EPHA3: variants seen among roughly 807,000 people sequenced by gnomAD.
EPHA3 encodes EPH receptor A3, also known as ephrin type-A receptor 3.
A neutral mutation model predicts 107.1 loss-of-function variants in EPHA3; 42 were observed. The ratio of observed to expected loss-of-function variants is 0.39; its 90% CI spans 0.31 to 0.51. The LOEUF (loss-of-function observed/expected upper bound fraction) is 0.51. EPHA3 is among the 20% of genes least tolerant of loss of function. The probability of loss-of-function intolerance (pLI) is 0.78; values close to 1 mark genes in which losing one functional copy is unlikely to be tolerated. For missense variants in EPHA3, 1,183 were observed against 1,211.2 expected (o/e 0.98, Z 0.35); for synonymous variants, 461 against 424.8 (o/e 1.09, Z -1.05).
chr3:89,376,755 C>G (rs1329172859), intron 5 of EPHA3, among the ~76,000 whole-genome samples: 1 of 152,046 alleles, frequency 6.6e-6, no homozygotes, highest in African/African-American at 2.4e-5. Flanking sequence ...AGCAGCCACT[C>G]TTGGGATAGT....
At chr3:89,373,928 T>C (rs534180017) in intron 5 of EPHA3, among the ~76,000 whole-genome samples, 1 of 151,966 alleles carries the variant, frequency 6.6e-6, no homozygotes, top group African/African-American at 2.4e-5. Context: ...AAGGGTCAAA[T>C]AGAGTCCATT....
intron 2 of EPHA3, among the ~76,000 whole-genome samples, chr3:89,128,199 AC>A: frequency 6.6e-6 from 1 of 152,254 alleles, no homozygotes; most frequent in Non-Finnish European, 1.5e-5. Flanking sequence ...CTAAATATAC[AC>A]AATTTTTTGA....
At chr3:89,230,139 C>T (rs1251884556) in intron 3 of EPHA3, among the ~76,000 whole-genome samples, 1 of 151,978 alleles carries the variant, frequency 6.6e-6, no homozygotes, top group African/African-American at 2.4e-5. Context: ...AGACCCAGAG[C>T]AATTAAGTAA....
chr3:89,154,251 G>GT (rs1704747899), intron 2 of EPHA3, among the ~76,000 whole-genome samples: 1 of 147,818 alleles, frequency 6.8e-6, no homozygotes, highest in South Asian at 2.1e-4. Flanking sequence ...GGGCTTCCTT[G>GT]TTTTTTGGGT....
At chr3:89,282,061 G>A (rs1576287220) in intron 3 of EPHA3, among the ~76,000 whole-genome samples, 2 of 152,206 alleles carry the variant, frequency 1.3e-5, no homozygotes, top group East Asian at 1.9e-4. Flanking sequence ...AAGTTTATTC[G>A]TGCAGTTTCA....
At chr3:89,391,679 C>A (rs1300599581) in intron 5 of EPHA3, among the ~76,000 whole-genome samples, 1 of 151,548 alleles carries the variant, frequency 6.6e-6, no homozygotes, top group Non-Finnish European at 1.5e-5. Flanking sequence ...ATGATCCGCC[C>A]GCCTCGGCCT....
intron 2 of EPHA3, among the ~76,000 whole-genome samples, chr3:89,205,967 G>T (rs1284190471): frequency 6.6e-6 from 1 of 152,058 alleles, no homozygotes; most frequent in East Asian, 1.9e-4. Flanking sequence ...CATTATAACA[G>T]CAGCTTTAAT....
intron 15 of EPHA3, among the ~76,000 whole-genome samples, chr3:89,470,710 T>C (rs1710381384): frequency 6.6e-6 from 1 of 152,188 alleles, no homozygotes; most frequent in Non-Finnish European, 1.5e-5. Flanking sequence ...AAATGCAATA[T>C]GAACAAAGTT....
intron 1 of EPHA3, among the ~76,000 whole-genome samples, chr3:89,118,499 C>A (rs1707306649): frequency 6.6e-6 from 1 of 151,572 alleles, no homozygotes; most frequent in African/African-American, 2.4e-5. Flanking sequence ...CAAAGGTGAT[C>A]CTTTGGAAAT....
intron 13 of EPHA3, among the ~76,000 whole-genome samples, chr3:89,448,377 A>G (rs1709920592): frequency 6.6e-6 from 1 of 152,150 alleles, no homozygotes; most frequent in Non-Finnish European, 1.5e-5. Flanking sequence ...TGTTTGCCTG[A>G]CACTTACGAA....
chr3:89,415,493 A>ATATATATAT (rs1559687639), intron 10 of EPHA3, among the ~76,000 whole-genome samples: 28 of 93,414 alleles, frequency 3.0e-4, no homozygotes, highest in African/African-American at 1.1e-3. Flanking sequence ...TATATATATA[A>ATATATATAT]GCTAATTCTC....
intron 2 of EPHA3, among the ~76,000 whole-genome samples, chr3:89,148,739 G>A (rs1467995477): frequency 6.6e-6 from 1 of 151,860 alleles, no homozygotes; most frequent in Non-Finnish European, 1.5e-5. Context: ...GGAAAGTTCT[G>A]TTTATCATGT....
intron 3 of EPHA3, among the ~76,000 whole-genome samples, chr3:89,269,886 A>C (rs1158116581): frequency 6.6e-6 from 1 of 151,418 alleles, no homozygotes; most frequent in Admixed American, 6.6e-5. Context: ...TTGTCTGAGA[A>C]CTACTAGTTC....
At chr3:89,147,136 G>A (rs765653628) in intron 2 of EPHA3, among the ~76,000 whole-genome samples, 3 of 151,750 alleles carry the variant, frequency 2.0e-5, no homozygotes, top group Non-Finnish European at 4.4e-5. Flanking sequence ...GCTGAATAAT[G>A]AGAACACATG....
At chr3:89,432,148 G>T (rs1310237698) in intron 13 of EPHA3, among the ~76,000 whole-genome samples, 3 of 151,850 alleles carry the variant, frequency 2.0e-5, no homozygotes, top group African/African-American at 7.2e-5. Flanking sequence ...ATTCATAATT[G>T]TTATGAGCCT....
At chr3:89,114,278 G>C (rs556247409) in intron 1 of EPHA3, among the ~76,000 whole-genome samples, 3 of 152,260 alleles carry the variant, frequency 2.0e-5, no homozygotes, top group South Asian at 4.1e-4. Context: ...AAGCAGAGCC[G>C]TACGGGTAGA....
chr3:89,206,005 A>G (rs1706093365), intron 2 of EPHA3, among the ~76,000 whole-genome samples: 1 of 152,192 alleles, frequency 6.6e-6, no homozygotes, highest in Non-Finnish European at 1.5e-5. Context: ...TGCTGCTGCT[A>G]TGAGAAAATA....
At chr3:89,288,817 A>T (rs1455034182) in intron 3 of EPHA3, among the ~76,000 whole-genome samples, 1 of 152,180 alleles carries the variant, frequency 6.6e-6, no homozygotes, top group African/African-American at 2.4e-5. Flanking sequence ...ATTAAAGTGT[A>T]AGCTTAAAAA....
At chr3:89,460,941 G>C (rs1380759793) in intron 15 of EPHA3, among the ~76,000 whole-genome samples, 2 of 124,106 alleles carry the variant, frequency 1.6e-5, no homozygotes, top group African/African-American at 3.1e-5. Context: ...GTGTCATCTA[G>C]CATTAGGTAT....
Sources: allele counts gnomAD v4.1 joint callset (sites outside exome capture counted in the v4.1 genomes callset), GRCh38; gene constraint gnomAD v4.1.1; transcripts MANE v1.5; gene names NCBI Gene and HGNC (gene_info 2026-07-23, HGNC 2026-07-21).